The following MACROD2 variants were observed in gnomAD, a reference collection of about 807,000 sequenced individuals.
The protein encoded by MACROD2 is ADP-ribose glycohydrolase MACROD2.
MACROD2 carries 36 observed loss-of-function variants against 70.4 expected under a neutral mutation model. The observed-to-expected ratio is 0.51, with a 90% confidence interval of 0.39 to 0.68. MACROD2 has a LOEUF of 0.68. MACROD2 is among the 30% of genes least tolerant of loss of function. The pLI, the probability that MACROD2 is intolerant of heterozygous loss-of-function variation, is 0.00. For synonymous variants in MACROD2, 172 were observed against 178.8 expected, an observed-to-expected ratio of 0.96 and a Z score of 0.30; for missense variants, 496 against 538.4, an observed-to-expected ratio of 0.92 and a Z score of 0.78.
intron 5 of MACROD2, among the ~76,000 whole-genome samples, chr20:15,051,078 A>C (rs2075436026): frequency 6.6e-6 from 1 of 152,080 alleles, no homozygotes; most frequent in African/African-American, 2.4e-5. Flanking sequence ...ATAATAACTG[A>C]AATCCCTTTT....
intron 8 of MACROD2, among the ~76,000 whole-genome samples, chr20:15,512,748 G>C (rs113067094): frequency 0.013 from 2,029 of 152,266 alleles, 21 homozygotes; most frequent in Non-Finnish European, 0.02. Context: ...GGTGCTTCTA[G>C]GTCCCCCCAC....
Position 14,088,093 on chromosome 20 carries a change from G to A in MACROD2, c.271+2365G>A, listed in dbSNP as rs918415708. 1.4e-4 allele frequency among the ~76,000 whole-genome samples: 21 copies of A among 151,948 alleles called. 1 individual carries two copies. Among genetic ancestry groups the A allele is most frequent in the African/African-American group, 5.1e-4 (21 of 41,386 alleles). On this transcript the variant is annotated intron_variant, in intron 3 of 17. Transcript: ENST00000684519. ...TGCCTGTAATCCCAGCACTTTGGGA[G>A]GCCAAGGCTGATGGATCATGAGGTC...
intron 5 of MACROD2, among the ~76,000 whole-genome samples, chr20:14,947,686 T>C (rs909926985): frequency 6.6e-6 from 1 of 152,156 alleles, no homozygotes; most frequent in Non-Finnish European, 1.5e-5. Flanking sequence ...TTTGCATTTC[T>C]AGCAAGCTCC....
chr20:14,413,553 T>C (rs1252791485), intron 3 of MACROD2, among the ~76,000 whole-genome samples: 18 of 152,154 alleles, frequency 1.2e-4, no homozygotes. Context: ...TGTAGAAATA[T>C]ATAATCAGGT....
At chr20:14,794,659 A>G (rs2072489975) in intron 5 of MACROD2, among the ~76,000 whole-genome samples, 1 of 152,132 alleles carries the variant, frequency 6.6e-6, no homozygotes, top group Non-Finnish European at 1.5e-5. Flanking sequence ...AAAGGTTTAT[A>G]TTAGGTTTCA....
intron 8 of MACROD2, among the ~76,000 whole-genome samples, chr20:15,789,671 G>GA (rs1301115987): frequency 6.6e-6 from 1 of 151,812 alleles, no homozygotes; most frequent in Non-Finnish European, 1.5e-5. Flanking sequence ...ATTGAAAAGT[G>GA]AAAAAATATT....
intron 5 of MACROD2, among the ~76,000 whole-genome samples, chr20:15,186,658 G>T (rs977048399): frequency 6.6e-6 from 1 of 152,090 alleles, no homozygotes; most frequent in Admixed American, 6.6e-5. Flanking sequence ...GACCCATGAA[G>T]TAGAATAGGA....
chr20:14,162,308 G>C (rs1381863380), intron 3 of MACROD2, among the ~76,000 whole-genome samples: 1 of 152,144 alleles, frequency 6.6e-6, no homozygotes, highest in East Asian at 1.9e-4. Flanking sequence ...ATTCTGCTGA[G>C]TGTTCCATGT....
At chr20:14,959,326 C>T (rs765146094) in intron 5 of MACROD2, among the ~76,000 whole-genome samples, 2 of 151,990 alleles carry the variant, frequency 1.3e-5, no homozygotes, top group Non-Finnish European at 1.5e-5. Flanking sequence ...AGACGGGTTT[C>T]GCCATGTTGG....
chr20:14,107,250 A>G (rs1601231854), intron 3 of MACROD2, among the ~76,000 whole-genome samples: 1 of 152,134 alleles, frequency 6.6e-6, no homozygotes, highest in Non-Finnish European at 1.5e-5. Context: ...TGCAAGCAAC[A>G]TATTGAAGAA....
chr20:15,404,683 T>A (rs943264497), intron 6 of MACROD2, among the ~76,000 whole-genome samples: 1 of 152,252 alleles, frequency 6.6e-6, no homozygotes, highest in Non-Finnish European at 1.5e-5. Context: ...TAACTTTCAC[T>A]GACCAAAGAC....
intron 9 of MACROD2, among the ~76,000 whole-genome samples, chr20:15,872,593 A>G (rs2327971): frequency 0.19 from 29,182 of 152,110 alleles, 2,926 homozygotes; most frequent in South Asian, 0.35. Flanking sequence ...GAATAGTAAT[A>G]TAAATGAAAG....
At chr20:14,101,083 C>T (rs1382981876) in intron 3 of MACROD2, among the ~76,000 whole-genome samples, 1 of 150,352 alleles carries the variant, frequency 6.7e-6, no homozygotes, top group Admixed American at 6.7e-5. Flanking sequence ...GATAATTGTC[C>T]ACCTTACTGA....
At chr20:14,337,404 C>A in intron 3 of MACROD2, 1 of 374,194 alleles carries the variant, frequency 2.7e-6, no homozygotes, top group Non-Finnish European at 4.7e-6. Flanking sequence ...AAACACTTAC[C>A]AGGAAGACGA....
At chr20:15,497,793 C>T (rs1046126272) in intron 7 of MACROD2, among the ~76,000 whole-genome samples, 1 of 152,092 alleles carries the variant, frequency 6.6e-6, no homozygotes, top group Non-Finnish European at 1.5e-5. Flanking sequence ...TAACTTAGTC[C>T]TCTTTATCTG....
chr20:15,168,302 C>T (rs2076399170), intron 5 of MACROD2, among the ~76,000 whole-genome samples: 1 of 152,072 alleles, frequency 6.6e-6, no homozygotes, highest in Non-Finnish European at 1.5e-5. Context: ...TTTCCCTGGG[C>T]CTCTTGATTT....
intron 4 of MACROD2, among the ~76,000 whole-genome samples, chr20:14,596,410 A>AACAT (rs1361059056): frequency 4.1e-5 from 4 of 96,540 alleles, no homozygotes; most frequent in Non-Finnish European, 7.9e-5. Context: ...TAATTTTTTA[A>AACAT]ACATATATAT....
At chr20:15,751,520 A>C (rs1852110484) in intron 8 of MACROD2, among the ~76,000 whole-genome samples, 1 of 152,068 alleles carries the variant, frequency 6.6e-6, no homozygotes, top group African/African-American at 2.4e-5. Context: ...TTGTTAAATT[A>C]AATCTATGAA....
At chr20:15,041,211 A>G (rs529147235) in intron 5 of MACROD2, among the ~76,000 whole-genome samples, 2 of 152,304 alleles carry the variant, frequency 1.3e-5, no homozygotes, top group African/African-American at 4.8e-5. Flanking sequence ...CTATAATGCT[A>G]CATCTAGAAA....
Sources: gnomAD v4.1 joint callset for allele counts (sites outside exome capture counted in the v4.1 genomes callset) on GRCh38, gnomAD v4.1.1 for gene constraint, MANE v1.5 for transcripts, NCBI Gene and HGNC (gene_info 2026-07-23, HGNC 2026-07-21) for gene names.